DNAH5: variants seen among roughly 807,000 people sequenced by gnomAD.
The protein encoded by DNAH5 is dynein axonemal heavy chain 5.
DNAH5 carries 372 observed loss-of-function variants against 518.2 expected under a neutral mutation model. That is an observed-to-expected ratio of 0.72 (90% CI 0.66 to 0.78). The LOEUF (loss-of-function observed/expected upper bound fraction) is 0.78, where lower values mean the gene tolerates loss of function less well. DNAH5 is among the 30% of genes least tolerant of loss of function. The pLI, the probability that DNAH5 is intolerant of heterozygous loss-of-function variation, is 0.00. For synonymous variants in DNAH5, 2,039 were observed against 2,025.9 expected (o/e 1.01, Z -0.17); for missense variants, 5,523 against 5,687.0 (o/e 0.97, Z 0.93).
At chr5:13,778,585 A>AGAAAGAAAGAAAGAAAGAAG (rs1754546820) in intron 53 of DNAH5, among the ~76,000 whole-genome samples, 1 of 76,304 alleles carries the variant, frequency 1.3e-5, no homozygotes, top group Non-Finnish European at 2.9e-5. Context: ...AAAGAAAGAA[A>AGAAAGAAAGAAAGAAAGAAG]GAAAGAAAGA....
intron 59 of DNAH5, among the ~76,000 whole-genome samples, chr5:13,764,408 TA>T (rs1006858116): frequency 1.3e-5 from 2 of 151,758 alleles, no homozygotes; most frequent in East Asian, 1.9e-4. Context: ...TACAAAGTAA[TA>T]AAAAAAATTA....
intron 35 of DNAH5, among the ~76,000 whole-genome samples, chr5:13,836,902 A>G (rs1267867813): frequency 2.0e-5 from 3 of 152,226 alleles, no homozygotes; most frequent in Admixed American, 6.5e-5. Flanking sequence ...CAAAGCACGA[A>G]AGGCACCTGA....
At chr5:13,993,943 C>T (rs1427452692) in intron 1 of DNAH5, among the ~76,000 whole-genome samples, 1 of 152,222 alleles carries the variant, frequency 6.6e-6, no homozygotes, top group East Asian at 1.9e-4. Flanking sequence ...TCAAATTCCA[C>T]GAAGTGATAA....
rs1252625314 is a variant in DNAH5, at chr5:13,691,561, A to G, written c.*423T>C. 1 of 162,550 alleles carries G rather than the reference A, an allele frequency of 6.2e-6. No individual in the cohort carries two copies. The highest frequency in any genetic ancestry group is 6.1e-5 in the Admixed American group (1 of 16,500). 10.1% of individuals were successfully genotyped at this position (162,550 alleles called of 1,614,324 possible). ...TCTCTTAACTTGACCTAAATACGAAAGGCAATAGAAGCAAAATCAGCACAG... is the reference window on the plus strand; with the variant it reads ...TCTCTTAACTTGACCTAAATACGAAGGGCAATAGAAGCAAAATCAGCACAG... On this transcript the variant is annotated 3_prime_UTR_variant, in exon 79 of 79. Coordinates refer to ENST00000265104, the MANE Select transcript of DNAH5 (RefSeq NM_001369.3).
chr5:13,802,718 C>T (rs1758957880), intron 47 of DNAH5, among the ~76,000 whole-genome samples: 1 of 152,194 alleles, frequency 6.6e-6, no homozygotes, highest in Admixed American at 6.5e-5. Flanking sequence ...TTCACGCAAT[C>T]ATCTTTGTGA....
chr5:13,818,298 G>A (rs116614666), intron 41 of DNAH5, among the ~76,000 whole-genome samples: 2,737 of 152,310 alleles, frequency 0.018, 33 homozygotes, highest in Middle Eastern at 0.044. Context: ...AAGGTTTAAA[G>A]TATAAAATTA....
chr5:13,986,663 G>C (rs1274310872), intron 1 of DNAH5, among the ~76,000 whole-genome samples: 1 of 152,110 alleles, frequency 6.6e-6, no homozygotes, highest in Non-Finnish European at 1.5e-5. Flanking sequence ...ACCTTCCTGA[G>C]ACCTGGCATC....
chr5:13,946,127 T>G (rs1283583244), upstream of DNAH5, among the ~76,000 whole-genome samples: 1 of 152,180 alleles, frequency 6.6e-6, no homozygotes, highest in African/African-American at 2.4e-5. Flanking sequence ...CATGTTACAA[T>G]TCATTACATC....
intron 53 of DNAH5, among the ~76,000 whole-genome samples, chr5:13,779,774 C>T (rs1436735668): frequency 2.0e-5 from 3 of 152,202 alleles, no homozygotes; most frequent in African/African-American, 7.2e-5. Flanking sequence ...AACCAGGATG[C>T]ACCAAGCCCT....
At chr5:13,905,796 C>G (rs1775214294) in intron 12 of DNAH5, among the ~76,000 whole-genome samples, 1 of 151,616 alleles carries the variant, frequency 6.6e-6, no homozygotes, top group Non-Finnish European at 1.5e-5. Flanking sequence ...AAGTTAAAAA[C>G]TTATATCCAC....
In DNAH5 at chr5:13,768,944, T is replaced by C; in HGVS notation, c.9897+16A>G. On this transcript the variant is annotated intron_variant, in intron 58 of 78. Coordinates refer to ENST00000265104, the MANE Select transcript of DNAH5 (RefSeq NM_001369.3). ...TAAGCCCTAAAGCTGACATCTGTTA[T>C]ATCACATAGATGCACCTGCAATGCA... 2 of 1,614,076 alleles carry C rather than the reference T, an allele frequency of 1.2e-6. No homozygotes were observed. Among genetic ancestry groups the C allele is most frequent in the South Asian group, 1.1e-5 (1 of 91,092 alleles).
chr5:13,987,723 G>A (rs1016465256), intron 1 of DNAH5, among the ~76,000 whole-genome samples: 6 of 151,654 alleles, frequency 4.0e-5, no homozygotes, highest in African/African-American at 7.3e-5. Context: ...GCATGGTGGC[G>A]CACGCCTATA....
chr5:13,867,218 G>C (rs1416340264), intron 25 of DNAH5, among the ~76,000 whole-genome samples: 1 of 152,036 alleles, frequency 6.6e-6, no homozygotes, highest in Admixed American at 6.6e-5. Flanking sequence ...ATCCGATTTG[G>C]TTAGGCTTTC....
intron 11 of DNAH5, among the ~76,000 whole-genome samples, chr5:13,912,685 T>C (rs1411744907): frequency 6.6e-6 from 1 of 151,580 alleles, no homozygotes; most frequent in East Asian, 2.0e-4. Flanking sequence ...TAGTGTTATA[T>C]AAATTGTCTA....
chr5:13,842,490 A>AGAAAGAAAAG (rs1765419353), intron 32 of DNAH5, among the ~76,000 whole-genome samples: 1 of 107,854 alleles, frequency 9.3e-6, no homozygotes, highest in Non-Finnish European at 1.9e-5. Flanking sequence ...AAAGAGAAAG[A>AGAAAGAAAAG]AAAGAAAGAA....
At position 13,691,155 on chromosome 5, in the gene DNAH5, AT is replaced by A. The variant is rs1238968567; in HGVS notation, c.*828del. 3 of 152,158 alleles carry A rather than the reference AT, an allele frequency of 2.0e-5. No homozygotes were observed. The highest frequency in any genetic ancestry group is 7.2e-5 in the African/African-American group (3 of 41,446). 9.4% of individuals were successfully genotyped at this position (152,158 alleles called of 1,614,324 possible). A position where few individuals can be genotyped will look rare whatever the true frequency, so the allele number is the denominator to read the frequency against. ...CCATTTTTTTCTGTTATTAAATGCA[AT>A]TTTATATAGACTGTTTTCAGTCTTT... On this transcript the variant is annotated 3_prime_UTR_variant, in exon 79 of 79. Transcript: ENST00000265104.
At chr5:13,868,455 A>C (rs991628070) in intron 24 of DNAH5, among the ~76,000 whole-genome samples, 3 of 152,220 alleles carry the variant, frequency 2.0e-5, no homozygotes, top group African/African-American at 7.2e-5. Flanking sequence ...GTAAGACACA[A>C]GGGAGGATTC....
At chr5:13,991,553 A>AGAGGAG (rs1328729591) in intron 1 of DNAH5, among the ~76,000 whole-genome samples, 1 of 136,664 alleles carries the variant, frequency 7.3e-6, no homozygotes, top group African/African-American at 2.8e-5. Flanking sequence ...GGGAGGAGGA[A>AGAGGAG]GAGGAGGAGG....
chr5:13,939,079 C>A (rs1779226037), intron 1 of DNAH5, among the ~76,000 whole-genome samples: 1 of 152,108 alleles, frequency 6.6e-6, no homozygotes, highest in South Asian at 2.1e-4. Context: ...AAGTAAATAA[C>A]AAGAGAATCT....
Sources: gnomAD v4.1 joint callset for allele counts (sites outside exome capture counted in the v4.1 genomes callset) on GRCh38, gnomAD v4.1.1 for gene constraint, MANE v1.5 for transcripts, NCBI Gene and HGNC (gene_info 2026-07-23, HGNC 2026-07-21) for gene names.